Variants in EPC2 observed in about 807,000 individuals in gnomAD.
EPC2 encodes enhancer of polycomb homolog 2.
Under a neutral mutation model 92.1 loss-of-function variants are expected in EPC2, and 14 were observed. The ratio of observed to expected loss-of-function variants is 0.15; its 90% CI spans 0.10 to 0.24. The LOEUF (loss-of-function observed/expected upper bound fraction) is 0.24. Ranked by LOEUF, EPC2 falls within the 10% of genes least tolerant of loss-of-function variation. The pLI, the probability that EPC2 is intolerant of heterozygous loss-of-function variation, is 1.00. For synonymous variants in EPC2, 340 were observed against 334.7 expected, an observed-to-expected ratio of 1.02 and a Z score of -0.17; for missense variants, 755 against 971.5, an observed-to-expected ratio of 0.78 and a Z score of 2.96.
intron 2 of EPC2, among the ~76,000 whole-genome samples, chr2:148,733,545 G>A (rs536580616): frequency 4.0e-5 from 5 of 125,884 alleles, no homozygotes; most frequent in African/African-American, 1.5e-4. Flanking sequence ...TCACCCAGGC[G>A]GGAGTGCAGT....
At chr2:148,783,547 C>T (rs1215142189) in intron 11 of EPC2, 50 bp from the exon 12 acceptor site, 6 of 1,536,788 alleles carry the variant, frequency 3.9e-6, no homozygotes, top group Non-Finnish European at 5.3e-6. Flanking sequence ...TTAATATGTT[C>T]ATAAAATCAC....
intron 1 of EPC2, among the ~76,000 whole-genome samples, chr2:148,652,632 C>T (rs1362402519): frequency 6.6e-6 from 1 of 152,172 alleles, no homozygotes; most frequent in Non-Finnish European, 1.5e-5. Context: ...GCATGTCTAT[C>T]TACTGGCATA....
At chr2:148,762,584 C>T in intron 5 of EPC2, 86 bp from the exon 6 acceptor site, 1 of 950,532 alleles carries the variant, frequency 1.1e-6, no homozygotes, top group Non-Finnish European at 1.5e-6. Flanking sequence ...GACTAGGTGA[C>T]TTCCAATTAA....
chr2:148,676,093 T>A (rs1003526992), intron 1 of EPC2, among the ~76,000 whole-genome samples: 1 of 151,776 alleles, frequency 6.6e-6, no homozygotes. Flanking sequence ...ATCTTGGTAC[T>A]CATTGTGTAT....
chr2:148,724,952 T>C (rs2105393422), intron 2 of EPC2, among the ~76,000 whole-genome samples: 1 of 152,202 alleles, frequency 6.6e-6, no homozygotes, highest in South Asian at 2.1e-4. Context: ...AGCTGCAAAT[T>C]CACCTTTATT....
At chr2:148,759,622 T>G (rs1683262583) in intron 4 of EPC2, among the ~76,000 whole-genome samples, 1 of 152,010 alleles carries the variant, frequency 6.6e-6, no homozygotes, top group South Asian at 2.1e-4. Context: ...TATATTAAAG[T>G]ATATAGGGAT....
chr2:148,650,393 C>T (rs2105349183), intron 1 of EPC2, among the ~76,000 whole-genome samples: 1 of 152,050 alleles, frequency 6.6e-6, no homozygotes, highest in East Asian at 1.9e-4. Context: ...TCCTCTTTTC[C>T]TCTTGAGTCA....
chr2:148,657,169 G>T (rs1427957272), intron 1 of EPC2, among the ~76,000 whole-genome samples: 1 of 152,126 alleles, frequency 6.6e-6, no homozygotes, highest in African/African-American at 2.4e-5. Context: ...AACAGAAACT[G>T]TTACGGAGGA....
At chr2:148,701,233 TA>T (rs1347187170) in intron 2 of EPC2, among the ~76,000 whole-genome samples, 1 of 152,228 alleles carries the variant, frequency 6.6e-6, no homozygotes, top group African/African-American at 2.4e-5. Flanking sequence ...CATTTCGTCC[TA>T]ATCTGTATAC....
chr2:148,680,574 C>G (rs1193006307), intron 1 of EPC2, among the ~76,000 whole-genome samples: 1 of 152,146 alleles, frequency 6.6e-6, no homozygotes, highest in African/African-American at 2.4e-5. Flanking sequence ...ACTTAGAAAG[C>G]CTCTGTGGTG....
intron 7 of EPC2, among the ~76,000 whole-genome samples, chr2:148,767,096 G>C (rs1489336502): frequency 6.6e-6 from 1 of 152,030 alleles, no homozygotes; most frequent in Non-Finnish European, 1.5e-5. Context: ...TACTCCGGAG[G>C]CTGAGGCGGG....
At chr2:148,732,020 A>G (rs957444264) in intron 2 of EPC2, among the ~76,000 whole-genome samples, 6 of 152,200 alleles carry the variant, frequency 3.9e-5, no homozygotes. Context: ...ACAAAAAGCT[A>G]CCACAGGGAA....
chr2:148,714,105 C>T (rs948393624), intron 2 of EPC2, among the ~76,000 whole-genome samples: 7 of 147,764 alleles, frequency 4.7e-5, no homozygotes, highest in Admixed American at 6.7e-5. Flanking sequence ...CCCCCCATCC[C>T]CATGTGTCCA....
intron 4 of EPC2, among the ~76,000 whole-genome samples, chr2:148,757,401 T>G (rs935402404): frequency 6.6e-6 from 1 of 151,818 alleles, no homozygotes; most frequent in Non-Finnish European, 1.5e-5. Context: ...TATATTGATA[T>G]AGTTAGAAAT....
At position 148,787,411 on chromosome 2, in the gene EPC2, T is replaced by A. The variant is rs1683891741; in HGVS notation, c.*1034T>A. On this transcript the variant is annotated 3_prime_UTR_variant, in exon 14 of 14. Coordinates refer to ENST00000258484, the MANE Select transcript of EPC2 (RefSeq NM_015630.4). ...GTAAGCGTTGGACACCTTCATAGTG[T>A]AGTGTTTTAGTGACTTTTTTTATAC... 1 of 152,606 alleles carries A rather than the reference T, an allele frequency of 6.6e-6. No individual in the cohort carries two copies. 9.5% of individuals were successfully genotyped at this position (152,606 alleles called of 1,614,324 possible).
Position 148,781,889 on chromosome 2 carries a change from T to C in EPC2, c.1857+109T>C. 3 of 1,293,528 alleles carry C rather than the reference T, an allele frequency of 2.3e-6. 1 individual carries two copies. The South Asian group carries it at 4.3e-5, about 19-fold the overall frequency. The allele number at this position is 1,293,528 out of a possible 1,614,324, so 80.1% of individuals were successfully genotyped here. A position where few individuals can be genotyped will look rare whatever the true frequency, so the allele number is the denominator to read the frequency against. ...TAATCTTGGTTTTGCCACTCTTGATTTGGGGTCTGTAACCTGAATTTCTTT... is the reference window on the plus strand; with the variant it reads ...TAATCTTGGTTTTGCCACTCTTGATCTGGGGTCTGTAACCTGAATTTCTTT... On this transcript the variant is annotated intron_variant, in intron 11 of 13. Coordinates refer to ENST00000258484, the MANE Select transcript of EPC2 (RefSeq NM_015630.4).
chr2:148,773,070 A>G (rs1683558167), intron 10 of EPC2, among the ~76,000 whole-genome samples: 1 of 152,130 alleles, frequency 6.6e-6, no homozygotes, highest in Non-Finnish European at 1.5e-5. Flanking sequence ...TTTCTCCTAT[A>G]CATTCCAGAT....
At chr2:148,673,704 C>T (rs1681201122) in intron 1 of EPC2, among the ~76,000 whole-genome samples, 1 of 152,136 alleles carries the variant, frequency 6.6e-6, no homozygotes, top group African/African-American at 2.4e-5. Context: ...ATGCCTCAGC[C>T]TCCCAAGTAT....
At chr2:148,734,190 CT>C (rs918109596) in intron 2 of EPC2, among the ~76,000 whole-genome samples, 3 of 151,230 alleles carry the variant, frequency 2.0e-5, no homozygotes, top group Middle Eastern at 3.5e-3. Context: ...TTATCCCCGT[CT>C]TTTTTTTTCT....
Sources: gnomAD v4.1 joint callset for allele counts (sites outside exome capture counted in the v4.1 genomes callset) on GRCh38, gnomAD v4.1.1 for gene constraint, MANE v1.5 for transcripts, NCBI Gene and HGNC (gene_info 2026-07-23, HGNC 2026-07-21) for gene names.